Variants in NLN observed in about 807,000 individuals in gnomAD.
NLN encodes neurolysin.
In NLN, 64 loss-of-function variants were observed where a neutral mutation model predicts 79.9. The ratio of observed to expected loss-of-function variants is 0.80; its 90% CI spans 0.65 to 0.99. The LOEUF is 0.99. NLN is among the 50% of genes least tolerant of loss of function. NLN has a pLI of 0.00. For missense variants in NLN, 835 were observed against 858.7 expected (o/e 0.97, Z 0.34); for synonymous variants, 267 against 296.6 (o/e 0.90, Z 1.02).
Position 65,757,272 on chromosome 5 carries a change from G to A in NLN, c.42-1295G>A, listed in dbSNP as rs368035273. Among the ~76,000 whole-genome samples the A allele has an allele frequency of 2.0e-5, 3 of 152,122 alleles. 1 individual carries two copies. The highest frequency in any genetic ancestry group is 7.2e-5 in the African/African-American group (3 of 41,432). The stretch of plus-strand genomic sequence containing the variant: ...AGTAATGCCCTACCTACCTTATAAG[G>A]TTGTTTTGGGATCCTGTAAGATAAT... On this transcript the variant is annotated intron_variant, in intron 1 of 12. Transcript: ENST00000380985.
intron 1 of NLN, among the ~76,000 whole-genome samples, chr5:65,751,799 C>T (rs1004246579): frequency 5.9e-5 from 9 of 152,126 alleles, no homozygotes; most frequent in Admixed American, 3.9e-4. Flanking sequence ...TGATTTCTGT[C>T]AAAATTTATC....
intron 9 of NLN, among the ~76,000 whole-genome samples, chr5:65,802,884 C>T (rs975344635): frequency 1.3e-5 from 2 of 151,828 alleles, no homozygotes; most frequent in African/African-American, 2.4e-5. Context: ...AGTTCCTCTC[C>T]GCAGCTGGTT....
intron 1 of NLN, among the ~76,000 whole-genome samples, chr5:65,748,216 G>C (rs971815344): frequency 2.6e-5 from 4 of 151,816 alleles, no homozygotes; most frequent in African/African-American, 7.3e-5. Flanking sequence ...CAAAAACAAA[G>C]TACAGCAGTC....
At chr5:65,757,267 A>G (rs561655926) in intron 1 of NLN, among the ~76,000 whole-genome samples, 13 of 152,304 alleles carry the variant, frequency 8.5e-5, no homozygotes, top group African/African-American at 2.6e-4. Context: ...TACCTACCTT[A>G]TAAGGTTGTT....
At chr5:65,744,380 T>G (rs1454629332) in intron 1 of NLN, among the ~76,000 whole-genome samples, 2 of 152,204 alleles carry the variant, frequency 1.3e-5, no homozygotes, top group Admixed American at 1.3e-4. Context: ...CTTTGTCTTA[T>G]TCATCTTTGT....
At chr5:65,753,385 A>G (rs1246547496) in intron 1 of NLN, among the ~76,000 whole-genome samples, 1 of 152,196 alleles carries the variant, frequency 6.6e-6, no homozygotes, top group Non-Finnish European at 1.5e-5. Context: ...ACGGTGGCTC[A>G]TGCCTGTAAT....
At chr5:65,753,286 G>A (rs2150743477) in intron 1 of NLN, among the ~76,000 whole-genome samples, 1 of 152,282 alleles carries the variant, frequency 6.6e-6, no homozygotes, top group East Asian at 1.9e-4. Flanking sequence ...TCCAGTAAAT[G>A]TTAGGAAATA....
In NLN at chr5:65,809,396, C is replaced by T. The variant is rs958332097; in HGVS notation, c.1528-119C>T. The T allele has an allele frequency of 7.7e-6, 6 of 781,390 alleles. No individual in the cohort carries two copies. The African/African-American group carries it at 8.7e-5, about 11-fold the overall frequency. The allele number at this position is 781,390 out of a possible 1,614,324, so 48.4% of individuals were successfully genotyped here. On this transcript the variant is annotated intron_variant, in intron 9 of 12. Coordinates refer to ENST00000380985, the MANE Select transcript of NLN (RefSeq NM_020726.5). Reference sequence around the variant, plus strand: ...TGACTATGAGGTTATTCTAACCCCTCATTCAGAGGAACAGTTGAGTCTGAT... The same window carrying T: ...TGACTATGAGGTTATTCTAACCCCTTATTCAGAGGAACAGTTGAGTCTGAT...
At chr5:65,819,946 T>C (rs1200100384) in intron 12 of NLN, among the ~76,000 whole-genome samples, 4 of 152,202 alleles carry the variant, frequency 2.6e-5, no homozygotes, top group African/African-American at 9.6e-5. Context: ...AGACCATTGC[T>C]CTGTAATTCA....
intron 1 of NLN, among the ~76,000 whole-genome samples, chr5:65,746,979 G>A (rs1014855493): frequency 1.3e-5 from 2 of 151,548 alleles, no homozygotes; most frequent in Non-Finnish European, 2.9e-5. Flanking sequence ...ACTCCAGCCT[G>A]GGTGACTGAG....
At position 65,737,348 on chromosome 5, in the gene NLN, C is replaced by T. The variant is rs115844587; in HGVS notation, c.41+14934C>T. ...TTTGTACTTTCTGAGGGTGAAGTTA[C>T]CAGACCCCTACTAAATTCTTTCCCC... On this transcript the variant is annotated intron_variant, in intron 1 of 12. Coordinates refer to ENST00000380985, the MANE Select transcript of NLN (RefSeq NM_020726.5). Among the ~76,000 whole-genome samples the T allele has an allele frequency of 6.2e-3, 949 of 152,236 alleles. 9 individuals carry two copies. The highest frequency in any genetic ancestry group is 0.011 in the Non-Finnish European group (728 of 68,028).
At chr5:65,803,852 G>A (rs570649989) in intron 9 of NLN, among the ~76,000 whole-genome samples, 1 of 152,328 alleles carries the variant, frequency 6.6e-6, no homozygotes, top group African/African-American at 2.4e-5. Flanking sequence ...CAGCTCCATG[G>A]AGCGCACAGC....
chr5:65,757,142 C>T (rs1037685620), intron 1 of NLN, among the ~76,000 whole-genome samples: 4 of 152,246 alleles, frequency 2.6e-5, no homozygotes, highest in Non-Finnish European at 4.4e-5. Context: ...TTGCCTGTCA[C>T]GTAACTAGAT....
chr5:65,756,309 G>T (rs1222253214), intron 1 of NLN, among the ~76,000 whole-genome samples: 1 of 152,016 alleles, frequency 6.6e-6, no homozygotes, highest in Non-Finnish European at 1.5e-5. Flanking sequence ...CCAAAATCAA[G>T]TTTCTCTTTT....
chr5:65,811,013 G>A (rs543491224), intron 11 of NLN, among the ~76,000 whole-genome samples: 1 of 152,254 alleles, frequency 6.6e-6, no homozygotes, highest in South Asian at 2.1e-4. Flanking sequence ...GGAGAAGCAT[G>A]AACTTCACCT....
chr5:65,773,797 G>C (rs536472186), intron 3 of NLN, among the ~76,000 whole-genome samples: 8 of 152,004 alleles, frequency 5.3e-5, no homozygotes, highest in Non-Finnish European at 1.0e-4. Context: ...ACAAAAATTA[G>C]CCAGATGTGG....
intron 1 of NLN, among the ~76,000 whole-genome samples, chr5:65,747,786 C>G (rs1759016688): frequency 1.3e-5 from 2 of 152,172 alleles, no homozygotes; most frequent in African/African-American, 4.8e-5. Flanking sequence ...GCAAGGGATT[C>G]TGGAGTCTTG....
At chr5:65,773,127 ATTTTTTTT>A (rs757202934) in intron 3 of NLN, among the ~76,000 whole-genome samples, 2 of 96,610 alleles carry the variant, frequency 2.1e-5, no homozygotes, top group South Asian at 3.6e-4. Context: ...CCTGAATTCT[ATTTTTTTT>A]TTTTTTTTTT....
intron 12 of NLN, among the ~76,000 whole-genome samples, chr5:65,816,759 A>G (rs1368224095): frequency 6.6e-6 from 1 of 152,166 alleles, no homozygotes; most frequent in Non-Finnish European, 1.5e-5. Flanking sequence ...ATATAAAGGA[A>G]TACTTCATTT....
Sources: gnomAD v4.1 joint callset for allele counts (sites outside exome capture counted in the v4.1 genomes callset) on GRCh38, gnomAD v4.1.1 for gene constraint, MANE v1.5 for transcripts, NCBI Gene and HGNC (gene_info 2026-07-23, HGNC 2026-07-21) for gene names.